Variants in ADIPOR2 observed in about 807,000 individuals in gnomAD.
ADIPOR2 encodes adiponectin receptor protein 2.
Under a neutral mutation model 40.9 loss-of-function variants are expected in ADIPOR2, and 18 were observed. The ratio of observed to expected loss-of-function variants is 0.44; its 90% CI spans 0.30 to 0.65. The LOEUF (loss-of-function observed/expected upper bound fraction) is 0.65. Among genes scored for constraint, ADIPOR2 ranks in the 30% least tolerant of loss-of-function variants. The pLI is 0.09. For missense variants in ADIPOR2, 283 were observed against 479.2 expected (o/e 0.59, Z 3.82); for synonymous variants, 165 against 166.4 (o/e 0.99, Z 0.06).
intron 1 of ADIPOR2, among the ~76,000 whole-genome samples, chr12:1,722,080 A>G (rs10773983): frequency 0.56 from 85,470 of 152,110 alleles, 26,698 homozygotes; most frequent in Non-Finnish European, 0.69. Flanking sequence ...GATTCTGAGG[A>G]TAAGGGTAAC....
intron 2 of ADIPOR2, among the ~76,000 whole-genome samples, chr12:1,763,683 A>C (rs1220268603): frequency 2.6e-5 from 4 of 152,226 alleles, no homozygotes; most frequent in Non-Finnish European, 5.9e-5. Flanking sequence ...TGCATCCAAA[A>C]TAGTCCAGGA....
intron 3 of ADIPOR2, among the ~76,000 whole-genome samples, chr12:1,773,422 A>G (rs180690631): frequency 3.9e-4 from 60 of 151,902 alleles, no homozygotes; most frequent in African/African-American, 1.4e-3. Flanking sequence ...TTCCATGTAC[A>G]TCTGGTATTT....
At chr12:1,762,046 C>A (rs7132184) in intron 2 of ADIPOR2, among the ~76,000 whole-genome samples, 20,336 of 152,144 alleles carry the variant, frequency 0.13, 1,522 homozygotes, top group African/African-American at 0.2. Flanking sequence ...GAGCTGCAGC[C>A]GCATTGGCCT....
At chr12:1,708,524 A>T (rs1463555751) in intron 1 of ADIPOR2, among the ~76,000 whole-genome samples, 1 of 152,186 alleles carries the variant, frequency 6.6e-6, no homozygotes, top group Non-Finnish European at 1.5e-5. Context: ...TAAGCCTATG[A>T]TCTATTTCAA....
intron 1 of ADIPOR2, among the ~76,000 whole-genome samples, chr12:1,722,057 C>T (rs546337544): frequency 1.2e-4 from 19 of 152,132 alleles, no homozygotes; most frequent in Admixed American, 3.3e-4. Flanking sequence ...CTGTCGCTGC[C>T]GTGTGAAGAC....
intron 1 of ADIPOR2, among the ~76,000 whole-genome samples, chr12:1,744,071 T>C (rs1429293339): frequency 6.6e-6 from 1 of 152,112 alleles, no homozygotes; most frequent in Non-Finnish European, 1.5e-5. Flanking sequence ...CTGTTATGTT[T>C]TATATGGGAT....
intron 1 of ADIPOR2, among the ~76,000 whole-genome samples, chr12:1,743,544 G>A (rs1171675460): frequency 1.3e-5 from 2 of 151,868 alleles, no homozygotes; most frequent in African/African-American, 2.4e-5. Flanking sequence ...GTGGGCACAC[G>A]CCTGTAGTCT....
intron 2 of ADIPOR2, among the ~76,000 whole-genome samples, chr12:1,771,499 AG>A: frequency 6.6e-6 from 1 of 152,198 alleles, no homozygotes; most frequent in Admixed American, 6.5e-5. Flanking sequence ...TATGAAGGTT[AG>A]TCATTGAAGG....
At chr12:1,767,932 T>C (rs1365226705) in intron 2 of ADIPOR2, among the ~76,000 whole-genome samples, 1 of 152,050 alleles carries the variant, frequency 6.6e-6, no homozygotes, top group Non-Finnish European at 1.5e-5. Flanking sequence ...TAAATGAATT[T>C]TTGAGAAATT....
At chr12:1,699,346 G>A (rs1281288122) in intron 1 of ADIPOR2, among the ~76,000 whole-genome samples, 4 of 152,120 alleles carry the variant, frequency 2.6e-5, no homozygotes, top group African/African-American at 9.7e-5. Flanking sequence ...TGCTGGGTGC[G>A]GTCGCTCAGG....
intron 1 of ADIPOR2, among the ~76,000 whole-genome samples, chr12:1,744,657 G>A (rs982651480): frequency 2.0e-5 from 3 of 152,144 alleles, no homozygotes; most frequent in Non-Finnish European, 4.4e-5. Context: ...TTCTTAAATG[G>A]TGCCTTATAC....
intron 2 of ADIPOR2, chr12:1,757,388 ATCT>A: frequency 1.4e-6 from 1 of 721,012 alleles, no homozygotes; most frequent in Non-Finnish European, 2.6e-6. Context: ...TTCCATTGGC[ATCT>A]TTCATGTGAA....
chr12:1,728,449 G>A lies in ADIPOR2; in HGVS notation c.-86-25809G>A, dbSNP rs1000641805. Among the ~76,000 whole-genome samples the A allele has an allele frequency of 7.9e-5, 12 of 151,852 alleles. 1 individual carries two copies. Among genetic ancestry groups the A allele is most frequent in the Admixed American group, 2.6e-4 (4 of 15,244 alleles). On this transcript the variant is annotated intron_variant, in intron 1 of 7. Transcript: ENST00000357103. ...AAAAAAAATGTTAACACGGCTGGGC[G>A]CAGTGGCTCACGCCTGTGATCCCAG...
intron 1 of ADIPOR2, among the ~76,000 whole-genome samples, chr12:1,715,568 A>G (rs1453448093): frequency 1.3e-5 from 2 of 152,122 alleles, no homozygotes; most frequent in African/African-American, 4.8e-5. Flanking sequence ...TGGCTGGCCT[A>G]TAGAATTCCC....
At chr12:1,760,831 T>G (rs1315339057) in intron 2 of ADIPOR2, 2 of 152,130 alleles carry the variant, frequency 1.3e-5, no homozygotes, top group East Asian at 3.8e-4. Context: ...CTGATCTGAG[T>G]GGTGTGATGA....
At chr12:1,722,768 CCT>C (rs909936127) in intron 1 of ADIPOR2, among the ~76,000 whole-genome samples, 10 of 152,198 alleles carry the variant, frequency 6.6e-5, no homozygotes, top group African/African-American at 2.4e-4. Flanking sequence ...CCTACGCAGT[CCT>C]CTCTACAAAT....
chr12:1,781,759 C>T (rs1862724875), intron 6 of ADIPOR2, among the ~76,000 whole-genome samples: 1 of 152,148 alleles, frequency 6.6e-6, no homozygotes, highest in African/African-American at 2.4e-5. Flanking sequence ...TTCCTTTCGT[C>T]CTTAAACCCC....
intron 3 of ADIPOR2, 116 bp downstream of exon 3, chr12:1,773,077 G>A: frequency 7.8e-7 from 1 of 1,289,674 alleles, no homozygotes; most frequent in Non-Finnish European, 1.0e-6. Context: ...AAGATCTGTG[G>A]CAAGATGGGG....
intron 1 of ADIPOR2, among the ~76,000 whole-genome samples, chr12:1,742,155 C>T (rs1168120461): frequency 2.0e-5 from 3 of 152,126 alleles, no homozygotes; most frequent in Non-Finnish European, 4.4e-5. Context: ...TGCAGTGGTG[C>T]GATCACAGCT....
Sources: allele counts gnomAD v4.1 joint callset (sites outside exome capture counted in the v4.1 genomes callset), GRCh38; gene constraint gnomAD v4.1.1; transcripts MANE v1.5; gene names NCBI Gene and HGNC (gene_info 2026-07-23, HGNC 2026-07-21).